The following GNPTG variants were observed in gnomAD, a reference collection of about 807,000 sequenced individuals.
GNPTG encodes the protein N-acetylglucosamine-1-phosphotransferase subunit gamma.
In GNPTG, 46 loss-of-function variants were observed where a neutral mutation model predicts 43.8. The observed-to-expected ratio is 1.05, with a 90% CI of 0.83 to 1.34. The LOEUF is 1.34. Ranked by LOEUF, GNPTG falls within the 40% of genes most tolerant of loss-of-function variation. The probability of loss-of-function intolerance (pLI) is 0.00; values close to 1 mark genes in which losing one functional copy is unlikely to be tolerated. For synonymous variants in GNPTG, 250 were observed against 172.8 expected (o/e 1.45, Z -3.50); for missense variants, 549 against 411.3 (o/e 1.33, Z -2.90).
At chr16:1,355,191 G>A (rs115624219) in intron 3 of GNPTG, among the ~76,000 whole-genome samples, 2,596 of 152,012 alleles carry the variant, frequency 0.017, 80 homozygotes, top group African/African-American at 0.059. Flanking sequence ...CGTCTCCCGC[G>A]TCTGTGGGGT....
intron 2 of GNPTG, 25 bp from the exon 3 acceptor site, chr16:1,352,214 C>T (rs1210631875): frequency 1.3e-6 from 2 of 1,550,874 alleles, no homozygotes; most frequent in African/African-American, 1.4e-5. Flanking sequence ...GGCCCGTTCC[C>T]CGCTGACCTT....
chr16:1,361,414 G>A (rs991231478), intron 3 of GNPTG: 9 of 358,194 alleles, frequency 2.5e-5, no homozygotes, highest in East Asian at 2.1e-4. Context: ...GGAGGCCGAG[G>A]TGGGTGGATC....
intron 9 of GNPTG, 40 bp from the exon 10 acceptor site, chr16:1,362,785 G>A: frequency 6.2e-7 from 1 of 1,614,102 alleles, no homozygotes; most frequent in Non-Finnish European, 8.5e-7. Context: ...TAGCCCTCCA[G>A]CACCTGGGCT....
chr16:1,352,351 A>T (rs764537072), intron 3 of GNPTG, 45 bp downstream of exon 3: 33 of 1,533,342 alleles, frequency 2.2e-5, no homozygotes, highest in Middle Eastern at 2.3e-4. Context: ...GGCCGCGGGG[A>T]GCAGCAACAG....
chr16:1,360,344 G>A (rs1428852589), intron 3 of GNPTG, among the ~76,000 whole-genome samples: 3 of 152,078 alleles, frequency 2.0e-5, no homozygotes, highest in Non-Finnish European at 4.4e-5. Flanking sequence ...AGTCTTTCAG[G>A]CCGGGCATAG....
chr16:1,362,829 A>G lies in GNPTG; in HGVS notation c.746A>G (p.His249Arg). ...FETLENCRKAHKELSKEIKRL... is the reference protein window; with the variant it reads ...FETLENCRKARKELSKEIKRL... ...AACTCTTTTTGTGGTTGGTAGGCTC[A>G]TAAAGAACTCTCAAAGGAGATCAAA... is the stretch of plus-strand genomic sequence containing the variant. The change falls in exon 10 of 11, where the codon CAT becomes CGT. Residue 249 changes from histidine (H) to arginine (R), a missense_variant. By Grantham distance (29) the His-to-Arg change is conservative. Transcript: ENST00000204679. 1 of 1,613,814 alleles carries G rather than the reference A, an allele frequency of 6.2e-7. No homozygotes were observed. Among genetic ancestry groups the G allele is most frequent in the Non-Finnish European group, 8.5e-7 (1 of 1,179,800 alleles).
intron 3 of GNPTG, chr16:1,352,564 C>G (rs2034703853): frequency 5.6e-6 from 3 of 533,818 alleles, no homozygotes; most frequent in African/African-American, 3.8e-5. Flanking sequence ...AGACGCGTTT[C>G]TGTGCTTTTA....
chr16:1,361,958 G>C lies in GNPTG; in HGVS notation c.317+3G>C, dbSNP rs371195304. ...AACGCCTACAGTGGGATCCTCGGGT[G>C]AGTGGGGCCGGGGCAGGGATCCCAA... On this transcript the variant is annotated splice_donor_region_variant and intron_variant, in intron 5 of 10. Coordinates refer to ENST00000204679, the MANE Select transcript of GNPTG (RefSeq NM_032520.5). 12 of 1,613,466 alleles carry C rather than the reference G, an allele frequency of 7.4e-6. No individual in the cohort carries two copies. Among genetic ancestry groups the C allele is most frequent in the Non-Finnish European group, 1.0e-5 (12 of 1,180,036 alleles).
intron 3 of GNPTG, among the ~76,000 whole-genome samples, chr16:1,356,960 C>T (rs1204670540): frequency 1.3e-5 from 2 of 148,918 alleles, no homozygotes; most frequent in Admixed American, 6.7e-5. Flanking sequence ...TGGCGGTCTG[C>T]GGGCAGGAGT....
chr16:1,352,388 G>A (rs915826250), intron 3 of GNPTG, 82 bp downstream of exon 3: 19 of 1,354,020 alleles, frequency 1.4e-5, no homozygotes, highest in Middle Eastern at 2.5e-4. Flanking sequence ...GACCCTGAGA[G>A]TTACGGCCCG....
At chr16:1,356,951 G>T (rs1452417071) in intron 3 of GNPTG, among the ~76,000 whole-genome samples, 1 of 142,204 alleles carries the variant, frequency 7.0e-6, no homozygotes, top group African/African-American at 2.8e-5. Context: ...GTGTGCGGGT[G>T]GCGGTCTGCG....
chr16:1,361,793 T>A lies in GNPTG; in HGVS notation c.229T>A (p.Ser77Thr). ...LSGKCFSLVE[S>T]TYKYEFCPFH... ...GGGCAAGTGCTTCAGCCTGGTGGAG[T>A]CCACGTGAGTGCAGGGTGGGTGCGA... Residue 77 changes from serine (S) to threonine (T), a missense_variant, in exon 4 of 11, where the codon TCC becomes ACC. Ser to Thr is a moderately conservative substitution (Grantham distance 58, BLOSUM62 1). Coordinates refer to ENST00000204679, the MANE Select transcript of GNPTG (RefSeq NM_032520.5). 1 of 1,600,964 alleles carries A rather than the reference T, an allele frequency of 6.2e-7. No homozygotes were observed. Among genetic ancestry groups the A allele is most frequent in the Non-Finnish European group, 8.6e-7 (1 of 1,168,726 alleles).
rs112850896 is a variant in GNPTG, at chr16:1,361,871, G to A, written c.234-1G>A. 1 of 1,613,916 alleles carries A rather than the reference G, an allele frequency of 6.2e-7. No individual in the cohort carries two copies. Among genetic ancestry groups the A allele is most frequent in the Non-Finnish European group, 8.5e-7 (1 of 1,180,028 alleles). On this transcript the variant is annotated splice_acceptor_variant, in intron 4 of 10. Transcript: ENST00000204679. LOFTEE classifies it high-confidence loss of function. ...CCCCCTCATGCCATCTGTGTCCCCA[G>A]GTACAAGTATGAGTTCTGCCCGTTC... is the stretch of plus-strand genomic sequence containing the variant.
chr16:1,363,135 C>A lies in GNPTG; in HGVS notation c.*44C>A. ...GAGGTGGACGCGGCCGAGAGCCCTA[C>A]AGAGAAGCTGGCTGGTAGGACCCGC... On this transcript the variant is annotated 3_prime_UTR_variant, in exon 11 of 11. Transcript: ENST00000204679. The A allele has an allele frequency of 6.4e-7, 1 of 1,574,724 alleles. No homozygotes were observed. Among genetic ancestry groups the A allele is most frequent in the Non-Finnish European group, 8.7e-7 (1 of 1,151,194 alleles).
At chr16:1,359,489 C>T (rs971529250) in intron 3 of GNPTG, among the ~76,000 whole-genome samples, 2 of 151,958 alleles carry the variant, frequency 1.3e-5, no homozygotes, top group African/African-American at 4.8e-5. Context: ...AGGATGGTCT[C>T]GATCTCCTGA....
intron 3 of GNPTG, among the ~76,000 whole-genome samples, chr16:1,358,641 T>C (rs761545998): frequency 4.6e-5 from 7 of 152,084 alleles, no homozygotes; most frequent in Non-Finnish European, 1.0e-4. Context: ...TAGAATTCCA[T>C]GTTTAGCTTT....
In GNPTG at chr16:1,352,024, G is replaced by A; in HGVS notation, c.52+7G>A. 1 of 1,485,886 alleles carries A rather than the reference G, an allele frequency of 6.7e-7. No individual in the cohort carries two copies. The highest frequency in any genetic ancestry group is 8.9e-7 in the Non-Finnish European group (1 of 1,123,642). 92.0% of individuals were successfully genotyped at this position (1,485,886 alleles called of 1,614,324 possible). On this transcript the variant is annotated splice_region_variant and intron_variant, in intron 1 of 10. Coordinates refer to ENST00000204679, the MANE Select transcript of GNPTG (RefSeq NM_032520.5). ...CTCGGGCTCTCGGCCGGCGGTGAGTGGCCCGGCCGTCCGCGTCCCCAGGCC... is the reference window on the plus strand; with the variant it reads ...CTCGGGCTCTCGGCCGGCGGTGAGTAGCCCGGCCGTCCGCGTCCCCAGGCC...
At position 1,352,226 on chromosome 16, in the gene GNPTG, C is replaced by T; in HGVS notation, c.111-13C>T. The T allele has an allele frequency of 6.5e-7, 1 of 1,549,714 alleles. No individual in the cohort carries two copies. Among genetic ancestry groups the T allele is most frequent in the Non-Finnish European group, 8.7e-7 (1 of 1,147,478 alleles). On this transcript the variant is annotated splice_polypyrimidine_tract_variant and intron_variant, in intron 2 of 10. Transcript: ENST00000204679. ...CCGGGCCCGTTCCCCGCTGACCTTG[C>T]CGCTTCCCGTAGGGTGAACAACCCG... is the stretch of plus-strand genomic sequence containing the variant.
At chr16:1,359,939 G>A (rs955284264) in intron 3 of GNPTG, among the ~76,000 whole-genome samples, 3 of 151,984 alleles carry the variant, frequency 2.0e-5, no homozygotes, top group Non-Finnish European at 2.9e-5. Flanking sequence ...GAGAAACCCC[G>A]TCTCTACAAA....
Sources: gnomAD v4.1 joint callset for allele counts (sites outside exome capture counted in the v4.1 genomes callset) on GRCh38, gnomAD v4.1.1 for gene constraint, MANE v1.5 for transcripts, NCBI Gene and HGNC (gene_info 2026-07-23, HGNC 2026-07-21) for gene names.